The following BABAM2 variants were observed in gnomAD, a reference collection of about 807,000 sequenced individuals.
The protein encoded by BABAM2 is BRISC and BRCA1-A complex member 2.
Under a neutral mutation model 54.7 loss-of-function variants are expected in BABAM2, and 31 were observed. That is an observed-to-expected ratio of 0.57 (90% confidence interval 0.43 to 0.77). The LOEUF (loss-of-function observed/expected upper bound fraction) is 0.77. Among genes scored for constraint, BABAM2 ranks in the 30% least tolerant of loss-of-function variants. The probability of loss-of-function intolerance (pLI) is 0.00; values close to 1 mark genes in which losing one functional copy is unlikely to be tolerated. For synonymous variants in BABAM2, 167 were observed against 162.9 expected, an observed-to-expected ratio of 1.03 and a Z score of -0.19; for missense variants, 364 against 455.8, an observed-to-expected ratio of 0.80 and a Z score of 1.83.
intron 7 of BABAM2, among the ~76,000 whole-genome samples, chr2:28,164,524 G>A (rs1256778557): frequency 6.8e-6 from 1 of 147,886 alleles, no homozygotes; most frequent in Non-Finnish European, 1.5e-5. Flanking sequence ...CTTGGAGTTT[G>A]TCCAATGCAT....
At chr2:28,336,392 T>G (rs1382622979) in intron 11 of BABAM2, among the ~76,000 whole-genome samples, 1 of 152,092 alleles carries the variant, frequency 6.6e-6, no homozygotes, top group African/African-American at 2.4e-5. Flanking sequence ...GAACACTAGT[T>G]TGAGTTACAG....
At chr2:28,208,586 T>C (rs750346814) in intron 7 of BABAM2, among the ~76,000 whole-genome samples, 1 of 151,992 alleles carries the variant, frequency 6.6e-6, no homozygotes, top group Non-Finnish European at 1.5e-5. Context: ...CTTCCTTCCC[T>C]CCTTTTCTCC....
intron 10 of BABAM2, among the ~76,000 whole-genome samples, chr2:28,287,095 T>G (rs941136106): frequency 4.6e-5 from 7 of 152,204 alleles, no homozygotes; most frequent in African/African-American, 1.4e-4. Flanking sequence ...CCCTTTACTT[T>G]AACCACAGAC....
intron 7 of BABAM2, among the ~76,000 whole-genome samples, chr2:28,144,519 A>T (rs1417868628): frequency 1.3e-5 from 2 of 152,176 alleles, no homozygotes; most frequent in Non-Finnish European, 2.9e-5. Context: ...ACCCCCAGAT[A>T]ATCTTGCATA....
At chr2:28,296,441 C>T (rs987507446) in intron 10 of BABAM2, among the ~76,000 whole-genome samples, 2 of 152,168 alleles carry the variant, frequency 1.3e-5, no homozygotes, top group African/African-American at 4.8e-5. Context: ...TGTGATTCAT[C>T]TGTAGAAACC....
At chr2:28,034,090 C>T (rs1362603993) in intron 5 of BABAM2, among the ~76,000 whole-genome samples, 1 of 152,158 alleles carries the variant, frequency 6.6e-6, no homozygotes, top group Non-Finnish European at 1.5e-5. Flanking sequence ...TATGGTATCT[C>T]CTCACTTGAG....
chr2:28,255,281 G>A lies in BABAM2; in HGVS notation c.934+10419G>A, dbSNP rs868362042. On this transcript the variant is annotated intron_variant, in intron 10 of 11. Coordinates refer to ENST00000379624, the MANE Select transcript of BABAM2 (RefSeq NM_199191.3). ...TTTCATTTAGAATCTGAGCCATTCC[G>A]TCTTTTTTTTAAGATGGAGTCTCAC... 3.9e-5 allele frequency among the ~76,000 whole-genome samples: 6 copies of A among 152,008 alleles called. No homozygotes were observed. The East Asian group carries it at 5.8e-4, about 15-fold the overall frequency.
intron 2 of BABAM2, among the ~76,000 whole-genome samples, chr2:27,927,239 C>T (rs188100311): frequency 3.0e-4 from 45 of 152,106 alleles, no homozygotes; most frequent in Admixed American, 7.2e-4. Context: ...TGTAACCATT[C>T]GGGAAAAAAA....
chr2:28,036,489 T>C (rs1203958749), intron 5 of BABAM2, among the ~76,000 whole-genome samples: 1 of 152,140 alleles, frequency 6.6e-6, no homozygotes, highest in East Asian at 1.9e-4. Flanking sequence ...CCCTGGGAAT[T>C]TGGAGTTAGT....
intron 11 of BABAM2, among the ~76,000 whole-genome samples, chr2:28,314,040 G>C (rs1030455305): frequency 2.0e-5 from 3 of 152,122 alleles, no homozygotes; most frequent in Non-Finnish European, 2.9e-5. Context: ...ATTATTCCAG[G>C]TATCCAGAAA....
At chr2:28,151,486 G>A (rs1573693329) in intron 7 of BABAM2, among the ~76,000 whole-genome samples, 2 of 151,990 alleles carry the variant, frequency 1.3e-5, no homozygotes, top group Admixed American at 1.3e-4. Flanking sequence ...CAGAAGAATC[G>A]CTTGAAACCC....
intron 7 of BABAM2, among the ~76,000 whole-genome samples, chr2:28,201,527 T>C (rs1242910190): frequency 6.6e-6 from 1 of 152,130 alleles, no homozygotes; most frequent in African/African-American, 2.4e-5. Flanking sequence ...TGCCCTAATA[T>C]TCCGCTTGCA....
rs562413771 is a variant in BABAM2, at chr2:27,900,912, G to A, written c.128+6228G>A. 2.8e-4 allele frequency among the ~76,000 whole-genome samples: 42 copies of A among 151,938 alleles called. No homozygotes were observed. In the East Asian group the frequency reaches 4.8e-3, roughly 18 times the overall value. ...CAAAAAATTAGCCGGGCATGGTAGC[G>A]GGTGCCTATAGTCCCAGCTACTCGG... On this transcript the variant is annotated intron_variant, in intron 2 of 11. Coordinates refer to ENST00000379624, the MANE Select transcript of BABAM2 (RefSeq NM_199191.3).
intron 7 of BABAM2, among the ~76,000 whole-genome samples, chr2:28,132,085 A>G (rs996470915): frequency 4.0e-5 from 6 of 151,428 alleles, no homozygotes; most frequent in African/African-American, 9.7e-5. Context: ...CATTTTTCCA[A>G]TCTCCAAAGT....
At chr2:28,027,500 A>G (rs896516444) in intron 5 of BABAM2, among the ~76,000 whole-genome samples, 2 of 152,202 alleles carry the variant, frequency 1.3e-5, no homozygotes, top group African/African-American at 2.4e-5. Context: ...GTCAATCACT[A>G]AACTACTTTC....
At chr2:28,088,485 G>A (rs1225751302) in intron 6 of BABAM2, among the ~76,000 whole-genome samples, 1 of 152,184 alleles carries the variant, frequency 6.6e-6, no homozygotes, top group Admixed American at 6.5e-5. Flanking sequence ...TACAGGTGTG[G>A]ACGAAGATGG....
At chr2:27,996,779 G>A (rs1463704714) in intron 4 of BABAM2, among the ~76,000 whole-genome samples, 1 of 152,128 alleles carries the variant, frequency 6.6e-6, no homozygotes, top group Non-Finnish European at 1.5e-5. Context: ...GGTAGGAGCA[G>A]CTGCAGACAT....
At chr2:27,895,935 A>G (rs1573105984) in intron 2 of BABAM2, among the ~76,000 whole-genome samples, 1 of 152,006 alleles carries the variant, frequency 6.6e-6, no homozygotes, top group South Asian at 2.1e-4. Flanking sequence ...TATTATTATC[A>G]TTTATTTTGT....
intron 10 of BABAM2, among the ~76,000 whole-genome samples, chr2:28,292,762 C>G (rs1477508792): frequency 6.6e-6 from 1 of 152,220 alleles, no homozygotes; most frequent in Non-Finnish European, 1.5e-5. Context: ...TAGCCCACTT[C>G]CCTTCAGGGG....
Sources: allele counts gnomAD v4.1 joint callset (sites outside exome capture counted in the v4.1 genomes callset), GRCh38; gene constraint gnomAD v4.1.1; transcripts MANE v1.5; gene names NCBI Gene and HGNC (gene_info 2026-07-23, HGNC 2026-07-21).